The following PPP3R1 variants were observed in gnomAD, a reference collection of about 807,000 sequenced individuals.
PPP3R1 encodes the protein calcineurin subunit B type 1.
In PPP3R1, 5 loss-of-function variants were observed where a neutral mutation model predicts 22.6. The observed-to-expected ratio is 0.22, with a 90% CI of 0.12 to 0.46. The LOEUF (loss-of-function observed/expected upper bound fraction) is 0.46. Ranked by LOEUF, PPP3R1 falls within the 20% of genes least tolerant of loss-of-function variation. PPP3R1 has a pLI of 0.99. For synonymous variants in PPP3R1, 56 were observed against 65.2 expected (o/e 0.86, Z 0.68); for missense variants, 61 against 203.2 (o/e 0.30, Z 4.25).
intron 2 of PPP3R1, among the ~76,000 whole-genome samples, chr2:68,198,352 C>T (rs375983715): frequency 2.2e-5 from 2 of 89,716 alleles, no homozygotes; most frequent in South Asian, 4.5e-4. Flanking sequence ...CATGTATATG[C>T]ATATATATGT....
At chr2:68,181,572 A>C (rs1015586288) in intron 5 of PPP3R1, among the ~76,000 whole-genome samples, 1 of 144,992 alleles carries the variant, frequency 6.9e-6, no homozygotes, top group African/African-American at 2.6e-5. Context: ...TGCAGGCTAC[A>C]TGTAGTTTCT....
At chr2:68,206,046 G>C (rs1169932054) in intron 2 of PPP3R1, among the ~76,000 whole-genome samples, 1 of 151,988 alleles carries the variant, frequency 6.6e-6, no homozygotes, top group East Asian at 1.9e-4. Flanking sequence ...TTGAACTCCG[G>C]ACCTCAGGTG....
Position 68,186,603 on chromosome 2 carries a change from C to T in PPP3R1, c.330G>A (p.Gly110=), listed in dbSNP as rs935584279. The change falls in exon 5 of 6, where the codon GGG becomes GGA. Residue 110 remains glycine, a synonymous_variant. Transcript: ENST00000234310. ...DMDKDGYISN[G]ELFQVLKMMV... is the part of the protein sequence containing the mutation. ...TCATCTTCAATACCTGGAAGAGTTC[C>T]CCATTGGAAATATAGCCATCTTTAT... is the stretch of plus-strand genomic sequence containing the variant. 6.2e-7 allele frequency: 1 copy of T among 1,613,056 alleles called. No homozygotes were observed. The highest frequency in any genetic ancestry group is 8.5e-7 in the Non-Finnish European group (1 of 1,179,346).
At chr2:68,230,151 C>T (rs1284651484) in intron 1 of PPP3R1, among the ~76,000 whole-genome samples, 1 of 152,082 alleles carries the variant, frequency 6.6e-6, no homozygotes, top group African/African-American at 2.4e-5. Context: ...CGCCACCGTG[C>T]CCAGCTAATT....
At chr2:68,248,599 G>A (rs1177706642) in intron 1 of PPP3R1, among the ~76,000 whole-genome samples, 1 of 152,162 alleles carries the variant, frequency 6.6e-6, no homozygotes, top group Non-Finnish European at 1.5e-5. Flanking sequence ...GTTCCAGGGT[G>A]GGGCCTGACA....
chr2:68,196,914 G>T (rs539957297), intron 2 of PPP3R1, among the ~76,000 whole-genome samples: 5 of 152,096 alleles, frequency 3.3e-5, no homozygotes, highest in Admixed American at 3.3e-4. Context: ...TGGTAGAGAC[G>T]GAATTTCACC....
chr2:68,209,134 G>A (rs1015274540), intron 2 of PPP3R1, among the ~76,000 whole-genome samples: 4 of 150,260 alleles, frequency 2.7e-5, no homozygotes, highest in Non-Finnish European at 3.0e-5. Flanking sequence ...CGAGGCGGGC[G>A]GATCACGAGG....
At chr2:68,198,330 T>TATAC (rs1674863149) in intron 2 of PPP3R1, among the ~76,000 whole-genome samples, 1 of 91,262 alleles carries the variant, frequency 1.1e-5, no homozygotes, top group Non-Finnish European at 2.2e-5. Flanking sequence ...TATACATATG[T>TATAC]ACATATATGT....
intron 5 of PPP3R1, among the ~76,000 whole-genome samples, chr2:68,181,308 G>A (rs994203548): frequency 4.0e-5 from 6 of 151,206 alleles, no homozygotes; most frequent in African/African-American, 9.7e-5. Flanking sequence ...CAGGAGAATC[G>A]CTTGAACCCG....
Position 68,250,443 on chromosome 2 carries a change from C to G in PPP3R1, c.3+1682G>C, listed in dbSNP as rs78581303. 6.4e-4 allele frequency among the ~76,000 whole-genome samples: 98 copies of G among 152,314 alleles called. 1 individual carries two copies. In the East Asian group the frequency reaches 0.019, roughly 29 times the overall value. ...ATATATAAACAACAAAAGGCTAGAT[C>G]ATTGTTCCTCAAATGTGCTGTTTAT... is the stretch of plus-strand genomic sequence containing the variant. On this transcript the variant is annotated intron_variant, in intron 1 of 5. Transcript: ENST00000234310.
At chr2:68,183,931 A>G (rs541676445) in intron 5 of PPP3R1, among the ~76,000 whole-genome samples, 3 of 152,242 alleles carry the variant, frequency 2.0e-5, no homozygotes, top group East Asian at 1.9e-4. Context: ...AAGATTTCCT[A>G]AAGAGGGCTC....
chr2:68,212,947 T>G (rs932630650), intron 2 of PPP3R1, among the ~76,000 whole-genome samples: 2 of 152,234 alleles, frequency 1.3e-5, no homozygotes, highest in African/African-American at 4.8e-5. Flanking sequence ...TCCTTATACT[T>G]GAAGAACCAA....
At chr2:68,202,243 A>C (rs969686546) in intron 2 of PPP3R1, among the ~76,000 whole-genome samples, 13 of 152,218 alleles carry the variant, frequency 8.5e-5, no homozygotes, top group African/African-American at 3.1e-4. Context: ...AGCTAAAGTA[A>C]CTGATTTCTT....
At chr2:68,197,669 TA>T (rs754748415) in intron 2 of PPP3R1, among the ~76,000 whole-genome samples, 10 of 150,998 alleles carry the variant, frequency 6.6e-5, no homozygotes, top group South Asian at 2.1e-4. Context: ...ATTGTGCTTT[TA>T]AAAAAAAAGC....
At chr2:68,214,244 A>C (rs1270601374) in intron 2 of PPP3R1, among the ~76,000 whole-genome samples, 1 of 152,180 alleles carries the variant, frequency 6.6e-6, no homozygotes, top group African/African-American at 2.4e-5. Context: ...ATTTCATGAC[A>C]AAGACGCCAA....
chr2:68,182,218 C>T (rs1055025790), intron 5 of PPP3R1, among the ~76,000 whole-genome samples: 1 of 151,982 alleles, frequency 6.6e-6, no homozygotes, highest in Non-Finnish European at 1.5e-5. Context: ...TATTTGTTAT[C>T]TGTATTATTT....
At chr2:68,219,894 T>A (rs191525582) in intron 1 of PPP3R1, among the ~76,000 whole-genome samples, 11 of 152,334 alleles carry the variant, frequency 7.2e-5, no homozygotes, top group Non-Finnish European at 1.0e-4. Context: ...AGATCACTTG[T>A]TGATGAGGTC....
chr2:68,241,929 T>C (rs1183267706), intron 1 of PPP3R1, among the ~76,000 whole-genome samples: 1 of 152,038 alleles, frequency 6.6e-6, no homozygotes, highest in Non-Finnish European at 1.5e-5. Flanking sequence ...CAGTATCTAA[T>C]GGAAACTTCT....
At chr2:68,204,324 T>C (rs1311879934) in intron 2 of PPP3R1, among the ~76,000 whole-genome samples, 2 of 80,142 alleles carry the variant, frequency 2.5e-5, no homozygotes, top group Admixed American at 1.3e-4. Flanking sequence ...TACATATATA[T>C]ACACACACAC....
Sources: gnomAD v4.1 joint callset for allele counts (sites outside exome capture counted in the v4.1 genomes callset) on GRCh38, gnomAD v4.1.1 for gene constraint, MANE v1.5 for transcripts, NCBI Gene and HGNC (gene_info 2026-07-23, HGNC 2026-07-21) for gene names.